Variants in OGDHL observed in about 807,000 individuals in gnomAD.
OGDHL encodes oxoglutarate dehydrogenase L, also known as 2-oxoglutarate dehydrogenase-like, mitochondrial.
Under a neutral mutation model 109.6 loss-of-function variants are expected in OGDHL, and 79 were observed. The ratio of observed to expected loss-of-function variants is 0.72; its 90% CI spans 0.60 to 0.87. The LOEUF is 0.87. Ranked by LOEUF, OGDHL falls within the 40% of genes least tolerant of loss-of-function variation. The pLI is 0.00. For missense variants in OGDHL, 1,275 were observed against 1,362.2 expected (o/e 0.94, Z 1.01); for synonymous variants, 528 against 537.2 (o/e 0.98, Z 0.24).
At position 49,752,222 on chromosome 10, in the gene OGDHL, G is replaced by A. The variant is rs759833576; in HGVS notation, c.505C>T (p.Leu169Phe). 10 of 1,614,020 alleles carry A rather than the reference G, an allele frequency of 6.2e-6. No homozygotes were observed. The South Asian group carries it at 8.8e-5, about 14-fold the overall frequency. ...LAFYDLQEAD[L>F]DKEFQLPTTT... ...GTCGGCAGCTGGAACTCCTTATCAA[G>A]GTCAGCCTCCTGAAGGTCATAGAAG... Residue 169 changes from leucine (L) to phenylalanine (F), a missense_variant, in exon 5 of 23, where the codon CTT (leucine) becomes TTT (phenylalanine). Leu to Phe is a conservative substitution (Grantham distance 22, BLOSUM62 0). Coordinates refer to ENST00000374103, the MANE Select transcript of OGDHL (RefSeq NM_018245.3).
chr10:49,735,328 G>C lies in OGDHL; in HGVS notation c.2933C>G (p.Ala978Gly). 1 of 1,613,638 alleles carries C rather than the reference G, an allele frequency of 6.2e-7. No homozygotes were observed. Among genetic ancestry groups the C allele is most frequent in the Non-Finnish European group, 8.5e-7 (1 of 1,179,968 alleles). ...GTTCCTGTTTCCTGTGGCTGGTGCA[G>C]CCGCTGGGTCCCGGCCAACATACCT... Reference protein sequence around the residue: ...PIWYVGRDPAAAPATGNRNTH... With the variant: ...PIWYVGRDPAGAPATGNRNTH... Residue 978 changes from alanine (A) to glycine (G), a missense_variant, in exon 23 of 23, where the codon GCT becomes GGT. Physicochemically the swap from Ala to Gly is moderately conservative, Grantham distance 60. Transcript: ENST00000374103.
chr10:49,749,737 C>T lies in OGDHL; in HGVS notation c.976G>A (p.Ala326Thr). 6.3e-7 allele frequency: 1 copy of T among 1,593,546 alleles called. No homozygotes were observed. The highest frequency in any genetic ancestry group is 8.5e-7 in the Non-Finnish European group (1 of 1,174,134). ...IFCQFDPKLE[A>T]ADEGSGDVKY... ...GGCATGGCACCCACCTCGTCCGCCGCCTCCAGCTTGGGGTCAAACTGGCAG... is the reference window on the plus strand; with the variant it reads ...GGCATGGCACCCACCTCGTCCGCCGTCTCCAGCTTGGGGTCAAACTGGCAG... Residue 326 changes from alanine (A) to threonine (T), a missense_variant, in exon 8 of 23, where the codon GCG becomes ACG. By Grantham distance (58) the Ala-to-Thr change is moderately conservative (BLOSUM62 0). Transcript: ENST00000374103.
rs146480863 is a variant in OGDHL, at chr10:49,757,865, G to A, written c.204+524C>T. 1.6e-3 allele frequency among the ~76,000 whole-genome samples: 250 copies of A among 152,160 alleles called. 2 individuals are homozygous for A. The highest frequency in any genetic ancestry group is 5.7e-3 in the African/African-American group (238 of 41,426). On this transcript the variant is annotated intron_variant, in intron 2 of 22. Transcript: ENST00000374103. ...GAAAGGATATAGAGGACACTAAGTT[G>A]GGGGACAGTGGGAACTGAGCAGATG...
At chr10:49,756,610 G>A (rs751595) in intron 3 of OGDHL, 166 bp downstream of exon 3, 124,412 of 603,662 alleles carry the variant, frequency 0.21, 14,673 homozygotes, top group African/African-American at 0.37. Context: ...GCTCTGAATG[G>A]TGATGTGGCA....
rs1163097889 is a variant in OGDHL at position 49,736,389 on chromosome 10, C to T, written c.2722G>A (p.Glu908Lys). ...AGGCGCGTGATGGCCACTTTCTCCT[C>T]CAGGTCCTGGCTGCTCCGCTCCTTC... is the stretch of plus-strand genomic sequence containing the variant. The part of the protein sequence containing the change: ...LVKERSSQDL[E>K]EKVAITRLEQ... The change falls in exon 21 of 23, where the codon GAG becomes AAG. Residue 908 changes from glutamate (E) to lysine (K), a missense_variant. Physicochemically the swap from Glu to Lys is moderately conservative, Grantham distance 56. Transcript: ENST00000374103. The T allele has an allele frequency of 1.2e-6, 2 of 1,614,192 alleles. No individual in the cohort carries two copies. The highest frequency in any genetic ancestry group is 1.1e-5 in the South Asian group (1 of 91,090).
chr10:49,753,005 T>C (rs185145402), intron 3 of OGDHL, among the ~76,000 whole-genome samples: 2 of 152,352 alleles, frequency 1.3e-5, no homozygotes, highest in African/African-American at 4.8e-5. Context: ...ACTGCGGTGC[T>C]ACTAGTAATA....
At chr10:49,761,335 C>T (rs142070327) in intron 1 of OGDHL, among the ~76,000 whole-genome samples, 2 of 152,302 alleles carry the variant, frequency 1.3e-5, no homozygotes, top group African/African-American at 4.8e-5. Flanking sequence ...CTAAGACTCC[C>T]ACACACACAA....
At chr10:49,751,713 G>T in intron 6 of OGDHL, 114 bp downstream of exon 6, 1 of 1,366,262 alleles carries the variant, frequency 7.3e-7, no homozygotes, top group South Asian at 1.4e-5. Flanking sequence ...TGGTGAGGCC[G>T]ATCCAGTCCT....
At chr10:49,743,951 G>A (rs1011265591) in intron 14 of OGDHL, 43 bp downstream of exon 14, 3 of 1,597,896 alleles carry the variant, frequency 1.9e-6, no homozygotes, top group East Asian at 2.2e-5. Context: ...CAGTGTTGGG[G>A]TGGGGCCAGC....
chr10:49,761,554 T>C (rs1843281986), intron 1 of OGDHL, among the ~76,000 whole-genome samples: 1 of 152,204 alleles, frequency 6.6e-6, no homozygotes, highest in South Asian at 2.1e-4. Flanking sequence ...TTCTATTTAG[T>C]TGGGGCCTGT....
rs1220808235 is a variant in OGDHL at position 49,737,932 on chromosome 10, G to A, written c.2517+15C>T. Reference sequence around the variant, plus strand: ...GCCCCCTGCCTGTGACCCCTGCCCTGGGACGGAGACTCACCGGCTTGCGGA... The same window carrying A: ...GCCCCCTGCCTGTGACCCCTGCCCTAGGACGGAGACTCACCGGCTTGCGGA... On this transcript the variant is annotated intron_variant, in intron 19 of 22. Coordinates refer to ENST00000374103, the MANE Select transcript of OGDHL (RefSeq NM_018245.3). The A allele has an allele frequency of 6.2e-7, 1 of 1,614,140 alleles. No individual in the cohort carries two copies. Among genetic ancestry groups the A allele is most frequent in the Non-Finnish European group, 8.5e-7 (1 of 1,180,016 alleles).
At chr10:49,742,085 T>C (rs111064058) in intron 15 of OGDHL, among the ~76,000 whole-genome samples, 9 of 137,820 alleles carry the variant, frequency 6.5e-5, no homozygotes, top group Admixed American at 1.4e-4. Context: ...ACCCCACACA[T>C]ACCACACAAA....
rs767011875 is a variant in OGDHL at position 49,746,786 on chromosome 10, C to A, written c.1260G>T (p.Thr420=). The A allele has an allele frequency of 1.2e-6, 2 of 1,614,154 alleles. No homozygotes were observed. Among genetic ancestry groups the A allele is most frequent in the Admixed American group, 1.7e-5 (1 of 60,026 alleles). Reference sequence around the variant, plus strand: ...CGACGACGTGCACGGTACCATTGGTCGTGTAGGAGGGCAGGTCGCTCAGGT... The same window carrying A: ...CGACGACGTGCACGGTACCATTGGTAGTGTAGGAGGGCAGGTCGCTCAGGT... ...TFHLSDLPSY[T]TNGTVHVVVN... Residue 420 remains threonine (T), a synonymous_variant, in exon 10 of 23, where the codon ACG becomes ACT. Coordinates refer to ENST00000374103, the MANE Select transcript of OGDHL (RefSeq NM_018245.3).
chr10:49,758,646 A>T, intron 1 of OGDHL, 53 bp from the exon 2 acceptor site: 1 of 1,564,450 alleles, frequency 6.4e-7, no homozygotes, highest in South Asian at 1.1e-5. Flanking sequence ...AGACAGGAAG[A>T]GGCTCTACCA....
rs376176547 is a variant in OGDHL, at chr10:49,758,551, C to T, written c.42G>A (p.Gln14=). 1.9e-5 allele frequency: 31 copies of T among 1,613,928 alleles called. No individual in the cohort carries two copies. The African/African-American group carries it at 3.9e-4, about 20-fold the overall frequency. Residue 14 remains glutamine, a synonymous_variant, in exon 2 of 23, where the codon CAG becomes CAA. Transcript: ENST00000374103. ...CATGTGCAGCCAGGAGCCTCGCAGCCTGTACCCCAAGACGGGACGGCAGCA... is the reference window on the plus strand; with the variant it reads ...CATGTGCAGCCAGGAGCCTCGCAGCTTGTACCCCAAGACGGGACGGCAGCA... ...LRLLPSRLGV[Q]AARLLAAHDV...
chr10:49,758,714 G>C, intron 1 of OGDHL, 121 bp from the exon 2 acceptor site: 1 of 991,130 alleles, frequency 1.0e-6, no homozygotes, highest in Non-Finnish European at 1.5e-6. Flanking sequence ...TGCTGGGCTA[G>C]GCAGTGATGA....
rs374200831 is a variant in OGDHL, at chr10:49,746,951, G to C, written c.1168-73C>G. On this transcript the variant is annotated intron_variant, in intron 9 of 22. Transcript: ENST00000374103. ...TAGCCCAGCCGGCACCTGTACTGTG[G>C]AGACCCAGGGTCCAGCCCAGCCCTC... The C allele has an allele frequency of 3.9e-5, 63 of 1,609,388 alleles. No homozygotes were observed. In the East Asian group the frequency reaches 6.3e-4, roughly 16 times the overall value.
At chr10:49,738,434 G>A (rs1033416151) in intron 17 of OGDHL, 172 bp from the exon 18 acceptor site, 2 of 650,090 alleles carry the variant, frequency 3.1e-6, no homozygotes, top group East Asian at 5.5e-5. Flanking sequence ...GAGCAGAATG[G>A]GAATCCTCAG....
rs775036445 is a variant in OGDHL at position 49,752,111 on chromosome 10, CCA to C, written c.594+20_594+21del. 2.5e-6 allele frequency: 4 copies of C among 1,611,860 alleles called. No homozygotes were observed. The South Asian group carries it at 4.4e-5, about 18-fold the overall frequency. On this transcript the variant is annotated intron_variant, in intron 5 of 22. Transcript: ENST00000374103. ...TCCAAAGAGCTGCTTCAGCTGCACC[CCA>C]CACACCCGCCTGTGCTCACCTCCAG...
Sources: gnomAD v4.1 joint callset for allele counts (sites outside exome capture counted in the v4.1 genomes callset) on GRCh38, gnomAD v4.1.1 for gene constraint, MANE v1.5 for transcripts, NCBI Gene and HGNC (gene_info 2026-07-23, HGNC 2026-07-21) for gene names.